ACAN: variants seen among roughly 807,000 people sequenced by gnomAD.
ACAN encodes aggrecan.
A neutral mutation model predicts 169.1 loss-of-function variants in ACAN; 47 were observed. The observed-to-expected ratio is 0.28, with a 90% CI of 0.22 to 0.35. The LOEUF is 0.35. Ranked by LOEUF, ACAN falls within the 10% of genes least tolerant of loss-of-function variation. The pLI, the probability that ACAN is intolerant of heterozygous loss-of-function variation, is 1.00. For missense variants in ACAN, 2,716 were observed against 2,759.9 expected, an observed-to-expected ratio of 0.98 and a Z score of 0.36; for synonymous variants, 1,115 against 1,112.2, an observed-to-expected ratio of 1.00 and a Z score of -0.05.
At position 88,803,677 on chromosome 15, in the gene ACAN, G is replaced by T. The variant is rs1335721623; in HGVS notation, c.-140G>T. On this transcript the variant is annotated 5_prime_UTR_variant, in exon 1 of 19. Transcript: ENST00000560601. ...GGACAGGACGCCGGCAGGAGGAGGG[G>T]TGCGCAGCGCCCGCGCAGAGCGTCT... 1.3e-5 allele frequency: 2 copies of T among 152,110 alleles called. No individual in the cohort carries two copies. The highest frequency in any genetic ancestry group is 4.8e-5 in the African/African-American group (2 of 41,406). The allele number at this position is 152,110 out of a possible 1,614,324, so 9.4% of individuals were successfully genotyped here.
chr15:88,858,031 G>T lies in ACAN; in HGVS notation c.5446G>T (p.Val1816Phe), dbSNP rs765977317. Residue 1816 changes from valine (V) to phenylalanine (F), a missense_variant, in exon 12 of 19, where the codon GTT becomes TTT. This residue lies in a region of ACAN where 1,389 missense variants were observed against 1,363.7 expected (regional missense o/e 1.02). Transcript: ENST00000560601. The surrounding 1 kb of genome is among the most constrained non-coding windows in gnomAD (Gnocchi z 4.0). The part of the protein sequence containing the change: ...SGATSGVPDL[V>F]SGTTSGSGES... ...GGCAACATCAGGAGTCCCTGACCTG[G>T]TTTCTGGTACCACGAGTGGCAGCGG... 3 of 1,613,968 alleles carry T rather than the reference G, an allele frequency of 1.9e-6. No homozygotes were observed. The African/African-American group carries it at 4.0e-5, about 22-fold the overall frequency.
intron 4 of ACAN, among the ~76,000 whole-genome samples, chr15:88,841,319 C>A (rs1374638658): frequency 1.3e-5 from 2 of 152,214 alleles, no homozygotes; most frequent in African/African-American, 4.8e-5. Flanking sequence ...TGAGGCCTAA[C>A]AAACTATGGC....
intron 1 of ACAN, among the ~76,000 whole-genome samples, chr15:88,831,778 T>C (rs1250855113): frequency 6.6e-6 from 1 of 152,216 alleles, no homozygotes; most frequent in Non-Finnish European, 1.5e-5. Flanking sequence ...TGATGTTCAC[T>C]AAGGTCTCTC....
In ACAN at chr15:88,874,027, G is replaced by A. The variant is rs773881229; in HGVS notation, c.7630+3G>A. The A allele has an allele frequency of 2.5e-6, 4 of 1,609,456 alleles. No homozygotes were observed. Among genetic ancestry groups the A allele is most frequent in the Non-Finnish European group, 3.4e-6 (4 of 1,179,726 alleles). On this transcript the variant is annotated splice_donor_region_variant and intron_variant, in intron 18 of 18. Coordinates refer to ENST00000560601, the MANE Select transcript of ACAN (RefSeq NM_001369268.1). This position sits in a 1 kb window ranked among gnomAD's most constrained non-coding sequence, Gnocchi z 7.3. ...GCCTCAGATCACCTGCACAGACCGT[G>A]AGCATCACCCCGGCCATCTCGCTGA...
chr15:88,827,702 C>T (rs907152149), intron 1 of ACAN, among the ~76,000 whole-genome samples: 3 of 152,188 alleles, frequency 2.0e-5, no homozygotes, highest in South Asian at 2.1e-4. Flanking sequence ...TGTTCTTGCT[C>T]CTCAGTGAGG....
At chr15:88,823,692 TCCGGTA>T (rs1187231543) in intron 1 of ACAN, among the ~76,000 whole-genome samples, 5 of 152,130 alleles carry the variant, frequency 3.3e-5, no homozygotes, top group Admixed American at 3.3e-4. Context: ...GGCCTTCCTT[TCCGGTA>T]CCTGGACTCA....
intron 1 of ACAN, among the ~76,000 whole-genome samples, chr15:88,823,658 A>C (rs568518612): frequency 5.9e-5 from 9 of 152,132 alleles, no homozygotes; most frequent in African/African-American, 2.2e-4. Flanking sequence ...GGCTGCAGCC[A>C]CCCCATCCTT....
chr15:88,852,014 G>A lies in ACAN; in HGVS notation c.2247G>A (p.Val749=), dbSNP rs137972043. The change falls in exon 11 of 19, where the codon GTG becomes GTA. Residue 749 remains valine, a synonymous_variant. Transcript: ENST00000560601. The stretch of plus-strand genomic sequence containing the variant: ...AATGGGAACCAGCCTATACCCCAGT[G>A]GGCACATCCCCGCTGCCAGGTTGGT... ...QTEWEPAYTP[V]GTSPLPGILP... 3,854 of 1,606,984 alleles carry A rather than the reference G, an allele frequency of 2.4e-3. 44 individuals are homozygous for A. The Admixed American group carries it at 0.027, about 11-fold the overall frequency.
rs371930776 is a variant in ACAN, at chr15:88,825,487, G to A, written c.-7-10713G>A. 1.7e-3 allele frequency among the ~76,000 whole-genome samples: 257 copies of A among 152,280 alleles called. 7 individuals carry two copies. The South Asian group carries it at 0.044, about 26-fold the overall frequency. On this transcript the variant is annotated intron_variant, in intron 1 of 18. Coordinates refer to ENST00000560601, the MANE Select transcript of ACAN (RefSeq NM_001369268.1). ...CTAGATAGTACATTATGAGTCAAAG[G>A]TATGAATTCAGGTTGTGTTCTTAAG... is the stretch of plus-strand genomic sequence containing the variant.
chr15:88,857,137 T>G lies in ACAN; in HGVS notation c.4552T>G (p.Ser1518Ala). The G allele has an allele frequency of 6.2e-6, 10 of 1,605,678 alleles. No homozygotes were observed. The highest frequency in any genetic ancestry group is 8.5e-6 in the Non-Finnish European group (10 of 1,175,160). ...ELPSGEGLET[S>A]ASGVEDLSRL... ...TCCTTCAGGAGAAGGTCTAGAGACC[T>G]CTGCTTCTGGAGTAGAGGACCTCAG... The change falls in exon 12 of 19, where the codon TCT (serine) becomes GCT (alanine). Residue 1518 changes from serine (S) to alanine (A), a missense_variant. Coordinates refer to ENST00000560601, the MANE Select transcript of ACAN (RefSeq NM_001369268.1).
Position 88,836,191 on chromosome 15 carries a change from C to G in ACAN, c.-7-9C>G, listed in dbSNP as rs773598650. 1.2e-6 allele frequency: 2 copies of G among 1,610,682 alleles called. No homozygotes were observed. Among genetic ancestry groups the G allele is most frequent in the South Asian group, 1.1e-5 (1 of 90,764 alleles). On this transcript the variant is annotated splice_polypyrimidine_tract_variant and intron_variant, in intron 1 of 18. Coordinates refer to ENST00000560601, the MANE Select transcript of ACAN (RefSeq NM_001369268.1). Reference sequence around the variant, plus strand: ...TGTCTAAATAACGCCTCTGCCTCCCCTCTTCCAGGTGAACTATGACCACTT... The same window carrying G: ...TGTCTAAATAACGCCTCTGCCTCCCGTCTTCCAGGTGAACTATGACCACTT...
chr15:88,845,909 A>G, intron 7 of ACAN, 27 bp downstream of exon 7: 1 of 1,441,536 alleles, frequency 6.9e-7, no homozygotes, highest in African/African-American at 1.4e-5. Flanking sequence ...GGGTGCATCC[A>G]GGGGCAGGTG....
chr15:88,812,594 C>T (rs1025010192), intron 1 of ACAN, among the ~76,000 whole-genome samples: 10 of 152,176 alleles, frequency 6.6e-5, no homozygotes, highest in Admixed American at 5.9e-4. Flanking sequence ...GGTCCCCCTG[C>T]CCAGGTGCTC....
intron 11 of ACAN, 41 bp downstream of exon 11, chr15:88,852,074 A>AT: frequency 6.4e-7 from 1 of 1,557,306 alleles, no homozygotes; most frequent in Non-Finnish European, 8.7e-7. Context: ...CTGAAGCTGC[A>AT]TACCCCTGTC....
rs750980297 is a variant in ACAN, at chr15:88,857,045, T to C, written c.4460T>C (p.Ile1487Thr). The C allele has an allele frequency of 2.5e-6, 4 of 1,613,042 alleles. No individual in the cohort carries two copies. The African/African-American group carries it at 5.4e-5, about 22-fold the overall frequency. The change falls in exon 12 of 19, where the codon ATC becomes ACC. Residue 1487 changes from isoleucine (I) to threonine (T), a missense_variant. Coordinates refer to ENST00000560601, the MANE Select transcript of ACAN (RefSeq NM_001369268.1). ...ATTTCTGTCTCTGGAGTAGAGGACATCAGTGGGCTTCCTTCTGGAGAGGTT... is the reference window on the plus strand; with the variant it reads ...ATTTCTGTCTCTGGAGTAGAGGACACCAGTGGGCTTCCTTCTGGAGAGGTT... ...LEISVSGVEDISGLPSGEVVE... is the reference protein window; with the variant it reads ...LEISVSGVEDTSGLPSGEVVE...
In ACAN at chr15:88,872,908, C is replaced by G; in HGVS notation, c.7330C>G (p.Pro2444Ala). The G allele has an allele frequency of 6.2e-7, 1 of 1,613,802 alleles. No homozygotes were observed. The change falls in exon 17 of 19, where the codon CCT becomes GCT. Residue 2444 changes from proline to alanine, a missense_variant. Physicochemically the swap from Pro to Ala is conservative, Grantham distance 27. Around this residue, in one of 3 missense-constraint regions of ACAN, gnomAD observed 1,389 missense variants for 1,363.7 expected, o/e 1.02. Coordinates refer to ENST00000560601, the MANE Select transcript of ACAN (RefSeq NM_001369268.1). The surrounding 1 kb of genome is among the most constrained non-coding windows in gnomAD (Gnocchi z 5.4). Reference protein sequence around the residue: ...MQFENWRPNQPDNFFAAGEDC... With the variant: ...MQFENWRPNQADNFFAAGEDC... ...ATTTGAGAACTGGCGCCCCAACCAG[C>G]CTGACAACTTTTTTGCCGCTGGAGA...
rs560477493 is a variant in ACAN at position 88,869,875 on chromosome 15, C to G, written c.7061-1507C>G. 3.3e-5 allele frequency among the ~76,000 whole-genome samples: 5 copies of G among 152,128 alleles called. No individual in the cohort carries two copies. Among genetic ancestry groups the G allele is most frequent in the Admixed American group, 6.5e-5 (1 of 15,288 alleles). On this transcript the variant is annotated intron_variant, in intron 14 of 18. Transcript: ENST00000560601. The surrounding 1 kb of genome is among the most constrained non-coding windows in gnomAD (Gnocchi z 4.2). ...GGAATTGTTTCTGTTTCCTAAGAAT[C>G]TTCAGCCTGCACAGCCCTGCCCTCC...
chr15:88,848,317 G>T (rs532626082), intron 9 of ACAN, among the ~76,000 whole-genome samples: 1 of 152,330 alleles, frequency 6.6e-6, no homozygotes, highest in Non-Finnish European at 1.5e-5. Context: ...GTAAATCTCA[G>T]TTTATTATAA....
In ACAN at chr15:88,807,230, G is replaced by A. The variant is rs1895704662; in HGVS notation, c.-8+3421G>A. On this transcript the variant is annotated intron_variant, in intron 1 of 18. Coordinates refer to ENST00000560601, the MANE Select transcript of ACAN (RefSeq NM_001369268.1). The surrounding 1 kb of genome is among the most constrained non-coding windows in gnomAD (Gnocchi z 4.0). ...AAGAGGACCCAGAGTCAGAGAGGAA[G>A]CAGGGCATGGAGGAAGGTCTGCTTA... Among the ~76,000 whole-genome samples the A allele has an allele frequency of 6.6e-6, 1 of 152,144 alleles. No individual in the cohort carries two copies. Among genetic ancestry groups the A allele is most frequent in the African/African-American group, 2.4e-5 (1 of 41,426 alleles).
Sources: gnomAD v4.1 joint callset for allele counts (sites outside exome capture counted in the v4.1 genomes callset) on GRCh38, gnomAD v4.1.1 for gene constraint, gnomAD v4.1.1 regional missense constraint, Gnocchi (gnomAD v3.1) non-coding constraint, MANE v1.5 for transcripts, NCBI Gene and HGNC (gene_info 2026-07-23, HGNC 2026-07-21) for gene names.